NELL1: variants seen among roughly 807,000 people sequenced by gnomAD.
NELL1 encodes the protein protein kinase C-binding protein NELL1.
Under a neutral mutation model 107.4 loss-of-function variants are expected in NELL1, and 76 were observed. The ratio of observed to expected loss-of-function variants is 0.71; its 90% CI spans 0.59 to 0.86. The LOEUF is 0.86. Among genes scored for constraint, NELL1 ranks in the 40% least tolerant of loss-of-function variants. The probability of loss-of-function intolerance (pLI) is 0.00; values close to 1 mark genes in which losing one functional copy is unlikely to be tolerated. For missense variants in NELL1, 1,024 were observed against 1,005.5 expected (o/e 1.02, Z -0.25); for synonymous variants, 353 against 341.2 (o/e 1.03, Z -0.38).
At chr11:21,531,627 T>C (rs1564944499) in intron 15 of NELL1, among the ~76,000 whole-genome samples, 2 of 152,278 alleles carry the variant, frequency 1.3e-5, no homozygotes, top group South Asian at 4.1e-4. Flanking sequence ...GGAGGAAAGG[T>C]GACTTTTTGT....
intron 13 of NELL1, chr11:21,170,137 T>C (rs939455592): frequency 5.8e-6 from 4 of 685,170 alleles, no homozygotes; most frequent in East Asian, 5.1e-5. Flanking sequence ...CTTTGTTCCA[T>C]GACTCCTTCA....
intron 13 of NELL1, among the ~76,000 whole-genome samples, chr11:21,222,049 A>C (rs1275110680): frequency 1.3e-5 from 2 of 151,756 alleles, no homozygotes; most frequent in Non-Finnish European, 2.9e-5. Flanking sequence ...TCTCATTTTC[A>C]GTTTCTTGAT....
At chr11:21,283,429 C>T (rs1849041999) in intron 14 of NELL1, among the ~76,000 whole-genome samples, 1 of 152,140 alleles carries the variant, frequency 6.6e-6, no homozygotes, top group Admixed American at 6.5e-5. Flanking sequence ...CAAGAGAAAA[C>T]AGGACATGTT....
chr11:21,041,019 T>C (rs1853215903), intron 12 of NELL1, among the ~76,000 whole-genome samples: 1 of 152,230 alleles, frequency 6.6e-6, no homozygotes. Context: ...TTTATAAATA[T>C]CTTTAATACA....
At chr11:20,866,325 G>A (rs186609033) in intron 4 of NELL1, among the ~76,000 whole-genome samples, 20 of 152,278 alleles carry the variant, frequency 1.3e-4, no homozygotes, top group East Asian at 9.7e-4. Flanking sequence ...CCACAGGACC[G>A]CCTGTTCTAT....
At chr11:20,703,463 A>C (rs1233998108) in intron 2 of NELL1, among the ~76,000 whole-genome samples, 1 of 152,048 alleles carries the variant, frequency 6.6e-6, no homozygotes, top group Non-Finnish European at 1.5e-5. Context: ...TCCCGGATTC[A>C]TTGGTTTTTT....
intron 9 of NELL1, among the ~76,000 whole-genome samples, chr11:20,934,437 C>T (rs374628650): frequency 2.6e-5 from 4 of 152,050 alleles, no homozygotes; most frequent in African/African-American, 4.8e-5. Flanking sequence ...CTGGTGGATT[C>T]GAGGGGTGGA....
At chr11:20,848,159 C>T (rs1044978135) in intron 4 of NELL1, among the ~76,000 whole-genome samples, 61 of 152,192 alleles carry the variant, frequency 4.0e-4, no homozygotes, top group African/African-American at 1.3e-3. Flanking sequence ...AAGCCTGTGC[C>T]ACTGAAGCAG....
intron 2 of NELL1, among the ~76,000 whole-genome samples, chr11:20,783,363 G>GA (rs1318134131): frequency 6.6e-6 from 1 of 152,020 alleles, no homozygotes; most frequent in African/African-American, 2.4e-5. Context: ...ATTCCTGCCA[G>GA]AAAATCACTG....
chr11:21,494,824 A>T (rs1003513249), intron 15 of NELL1, among the ~76,000 whole-genome samples: 1 of 151,970 alleles, frequency 6.6e-6, no homozygotes, highest in Non-Finnish European at 1.5e-5. Flanking sequence ...GTTTTCATTG[A>T]AAAAAACAAG....
At chr11:20,782,900 G>A (rs1333531640) in intron 2 of NELL1, among the ~76,000 whole-genome samples, 2 of 152,128 alleles carry the variant, frequency 1.3e-5, no homozygotes, top group Admixed American at 6.5e-5. Flanking sequence ...GATGTCTCTT[G>A]TTATGCTGAT....
intron 2 of NELL1, among the ~76,000 whole-genome samples, chr11:20,735,937 C>T (rs1268924283): frequency 1.3e-5 from 2 of 151,916 alleles, no homozygotes; most frequent in African/African-American, 4.8e-5. Context: ...TTGCTAATTG[C>T]AGGAAGGAAA....
intron 14 of NELL1, among the ~76,000 whole-genome samples, chr11:21,242,452 A>G (rs1264907280): frequency 1.3e-5 from 2 of 152,114 alleles, no homozygotes; most frequent in Non-Finnish European, 2.9e-5. Context: ...ACACCGAACA[A>G]TAAAACAGAA....
chr11:21,240,797 C>T (rs1310934716), intron 14 of NELL1, among the ~76,000 whole-genome samples: 3 of 151,346 alleles, frequency 2.0e-5, no homozygotes, highest in Admixed American at 1.3e-4. Flanking sequence ...CTATTGGATG[C>T]GCTTAAAACA....
intron 15 of NELL1, among the ~76,000 whole-genome samples, chr11:21,450,961 C>T (rs1393789015): frequency 3.3e-5 from 5 of 151,582 alleles, no homozygotes; most frequent in Non-Finnish European, 5.9e-5. Context: ...GAGGCCGAGG[C>T]GGGCGGATCA....
intron 14 of NELL1, among the ~76,000 whole-genome samples, chr11:21,253,494 T>C (rs1858690274): frequency 6.6e-6 from 1 of 152,114 alleles, no homozygotes; most frequent in South Asian, 2.1e-4. Flanking sequence ...AGAAGGGAAG[T>C]AACTTGCTCA....
At chr11:21,133,744 G>T (rs1296016424) in intron 13 of NELL1, among the ~76,000 whole-genome samples, 1 of 151,976 alleles carries the variant, frequency 6.6e-6, no homozygotes, top group African/African-American at 2.4e-5. Flanking sequence ...TTGGTGGGGG[G>T]GTGGGGGATG....
chr11:20,948,765 TAAAAAAAAAAAAA>T (rs35915453), intron 11 of NELL1, among the ~76,000 whole-genome samples: 1 of 107,286 alleles, frequency 9.3e-6, no homozygotes, highest in African/African-American at 3.5e-5. Flanking sequence ...TTCAAAATCT[TAAAAAAAAAAAAA>T]AAAAAAAAAC....
At chr11:20,722,304 A>G (rs1855409824) in intron 2 of NELL1, among the ~76,000 whole-genome samples, 1 of 152,148 alleles carries the variant, frequency 6.6e-6, no homozygotes, top group Non-Finnish European at 1.5e-5. Flanking sequence ...TACAGGCATG[A>G]GCCACCATGC....
Sources: allele counts gnomAD v4.1 joint callset (sites outside exome capture counted in the v4.1 genomes callset), GRCh38; gene constraint gnomAD v4.1.1; transcripts MANE v1.5; gene names NCBI Gene and HGNC (gene_info 2026-07-23, HGNC 2026-07-21).